Variants in DMXL1 observed in about 807,000 individuals in gnomAD.
DMXL1 encodes dmX-like protein 1.
Under a neutral mutation model 319.2 loss-of-function variants are expected in DMXL1, and 99 were observed. That is an observed-to-expected ratio of 0.31 (90% CI 0.26 to 0.37). The LOEUF (loss-of-function observed/expected upper bound fraction) is 0.37, where lower values mean the gene tolerates loss of function less well. Ranked by LOEUF, DMXL1 falls within the 10% of genes least tolerant of loss-of-function variation. DMXL1 has a pLI of 1.00. For missense variants in DMXL1, 3,745 were observed against 3,595.6 expected, an observed-to-expected ratio of 1.04 and a Z score of -1.06; for synonymous variants, 1,385 against 1,235.2, an observed-to-expected ratio of 1.12 and a Z score of -2.54.
chr5:119,168,013 C>T lies in DMXL1; in HGVS notation c.5398+149C>T, dbSNP rs546282894. The stretch of plus-strand genomic sequence containing the variant: ...TTTTGGTTGGTTGTTTGGTTTTTTT[C>T]TCCAGAAAGATAAATCCTTTGAAAA... On this transcript the variant is annotated intron_variant, in intron 23 of 43. Coordinates refer to ENST00000539542, the MANE Select transcript of DMXL1 (RefSeq NM_001290321.3). The T allele has an allele frequency of 9.8e-5, 65 of 663,966 alleles. 1 individual carries two copies. In the African/African-American group the frequency reaches 1.2e-3, roughly 12 times the overall value. 41.1% of individuals were successfully genotyped at this position (663,966 alleles called of 1,614,324 possible).
At chr5:119,126,006 A>G (rs933890308) in intron 9 of DMXL1, among the ~76,000 whole-genome samples, 2 of 152,054 alleles carry the variant, frequency 1.3e-5, no homozygotes, top group African/African-American at 4.8e-5. Context: ...AAATTATGTT[A>G]TTGACTGGGT....
At chr5:119,129,505 G>T (rs1764328297) in intron 10 of DMXL1, 82 bp downstream of exon 10, 1 of 955,458 alleles carries the variant, frequency 1.0e-6, no homozygotes, top group Non-Finnish European at 1.6e-6. Flanking sequence ...CTAGCTACTT[G>T]TAATAAACTT....
In DMXL1 at chr5:119,071,161, G is replaced by C. The variant is rs1749438066; in HGVS notation, c.-409G>C. 1 of 226,250 alleles carries C rather than the reference G, an allele frequency of 4.4e-6. No individual in the cohort carries two copies. Among genetic ancestry groups the C allele is most frequent in the African/African-American group, 2.4e-5 (1 of 41,956 alleles). The allele number at this position is 226,250 out of a possible 1,614,324, so 14.0% of individuals were successfully genotyped here. On this transcript the variant is annotated 5_prime_UTR_variant, in exon 1 of 44. Transcript: ENST00000539542. The stretch of plus-strand genomic sequence containing the variant: ...GCCGGGAAGGGACAGGTCAGGCGGG[G>C]AGTGCGAGCGCGTACTGCTTGCGCC...
chr5:119,213,775 A>G (rs1042878511), intron 34 of DMXL1, among the ~76,000 whole-genome samples: 1 of 152,174 alleles, frequency 6.6e-6, no homozygotes, highest in Non-Finnish European at 1.5e-5. Context: ...AGATTGTCCT[A>G]GACACAGTCA....
At chr5:119,141,135 C>T (rs1184104917) in intron 13 of DMXL1, among the ~76,000 whole-genome samples, 1 of 152,166 alleles carries the variant, frequency 6.6e-6, no homozygotes, top group Non-Finnish European at 1.5e-5. Flanking sequence ...TTGACAGACT[C>T]TCAGCCAACA....
intron 1 of DMXL1, among the ~76,000 whole-genome samples, chr5:119,088,098 A>G (rs1171439242): frequency 6.6e-6 from 1 of 152,166 alleles, no homozygotes; most frequent in East Asian, 1.9e-4. Flanking sequence ...CACCAAGCCC[A>G]GCAGTGTTTG....
chr5:119,209,340 C>A (rs1244739192), intron 34 of DMXL1, among the ~76,000 whole-genome samples: 1 of 150,446 alleles, frequency 6.6e-6, no homozygotes, highest in Admixed American at 6.7e-5. Context: ...TGTACGAAAT[C>A]CCATTCTATT....
intron 9 of DMXL1, among the ~76,000 whole-genome samples, chr5:119,121,915 C>A (rs1762160397): frequency 7.6e-6 from 1 of 132,272 alleles, no homozygotes; most frequent in South Asian, 2.5e-4. Flanking sequence ...GGGGGGCTGA[C>A]CCCCCCCACC....
chr5:119,099,952 G>C (rs1433341613), intron 2 of DMXL1, among the ~76,000 whole-genome samples: 1 of 152,094 alleles, frequency 6.6e-6, no homozygotes, highest in East Asian at 1.9e-4. Context: ...AGTCAGCTCT[G>C]GTGGCACCAC....
At chr5:119,240,025 T>A (rs1225611114) in intron 41 of DMXL1, among the ~76,000 whole-genome samples, 1 of 151,276 alleles carries the variant, frequency 6.6e-6, no homozygotes, top group African/African-American at 2.4e-5. Flanking sequence ...TCCCAGTGCC[T>A]TGGCAGGCTG....
rs1769512862 is a variant in DMXL1, at chr5:119,150,433, C to G, written c.4594+12C>G. 1.3e-6 allele frequency: 2 copies of G among 1,578,670 alleles called. No homozygotes were observed. Among genetic ancestry groups the G allele is most frequent in the Non-Finnish European group, 8.6e-7 (1 of 1,167,836 alleles). On this transcript the variant is annotated intron_variant, in intron 18 of 43. Coordinates refer to ENST00000539542, the MANE Select transcript of DMXL1 (RefSeq NM_001290321.3). ...AGACAGAAGCCAAGGTAAAACTAAACTCCGTACTGATAACATTTTTACTTA... is the reference window on the plus strand; with the variant it reads ...AGACAGAAGCCAAGGTAAAACTAAAGTCCGTACTGATAACATTTTTACTTA...
At chr5:119,237,733 T>C (rs1788014155) in intron 40 of DMXL1, among the ~76,000 whole-genome samples, 2 of 152,038 alleles carry the variant, frequency 1.3e-5, no homozygotes, top group Non-Finnish European at 2.9e-5. Context: ...CTAAATAGAA[T>C]GATTACCAGA....
chr5:119,206,286 C>G (rs944679339), intron 33 of DMXL1, among the ~76,000 whole-genome samples: 1 of 151,920 alleles, frequency 6.6e-6, no homozygotes, highest in Non-Finnish European at 1.5e-5. Context: ...CTTGGAACAA[C>G]TCTTTCTTTA....
At chr5:119,227,911 G>C (rs1785898050) in intron 38 of DMXL1, among the ~76,000 whole-genome samples, 1 of 152,158 alleles carries the variant, frequency 6.6e-6, no homozygotes, top group Non-Finnish European at 1.5e-5. Context: ...CAGGTAGAGA[G>C]AAAAAGTAAT....
chr5:119,225,172 C>G (rs1785309984), intron 38 of DMXL1, among the ~76,000 whole-genome samples: 1 of 151,906 alleles, frequency 6.6e-6, no homozygotes, highest in Non-Finnish European at 1.5e-5. Context: ...TAAGCCACAA[C>G]CGTACCTCAA....
Position 119,208,394 on chromosome 5 carries a change from A to G in DMXL1, c.7926+1498A>G, listed in dbSNP as rs544804829. 3.3e-5 allele frequency among the ~76,000 whole-genome samples: 5 copies of G among 151,990 alleles called. No individual in the cohort carries two copies. The South Asian group carries it at 1.0e-3, about 32-fold the overall frequency. ...ACATCCAGCCAATTTTTGTATTTTT[A>G]ATAGAGACAGGGTTTCTCCATGTTG... On this transcript the variant is annotated intron_variant, in intron 34 of 43. Transcript: ENST00000539542.
intron 4 of DMXL1, among the ~76,000 whole-genome samples, chr5:119,105,827 G>A (rs1758213950): frequency 6.6e-6 from 1 of 151,794 alleles, no homozygotes; most frequent in South Asian, 2.1e-4. Flanking sequence ...AACCTGGAAG[G>A]TGGAGGTTGC....
chr5:119,119,200 G>A (rs762926803), intron 8 of DMXL1, among the ~76,000 whole-genome samples, 196 bp downstream of exon 8: 5 of 152,100 alleles, frequency 3.3e-5, no homozygotes, highest in Non-Finnish European at 7.4e-5. Flanking sequence ...TAATTATGAA[G>A]TTACTCTTAG....
chr5:119,129,437 G>GTTTAA lies in DMXL1; in HGVS notation c.1315+14_1315+15insTTTAA. ...AATCTGATGAAGGTAAACTTTAAGA[G>GTTTAA]GAAAGGAAAATTTAAAGTTTTGCTC... On this transcript the variant is annotated intron_variant, in intron 10 of 43. Transcript: ENST00000539542. 1 of 1,562,038 alleles carries GTTTAA rather than the reference G, an allele frequency of 6.4e-7. No individual in the cohort carries two copies. The highest frequency in any genetic ancestry group is 8.7e-7 in the Non-Finnish European group (1 of 1,154,434).
Sources: gnomAD v4.1 joint callset for allele counts (sites outside exome capture counted in the v4.1 genomes callset) on GRCh38, gnomAD v4.1.1 for gene constraint, MANE v1.5 for transcripts, NCBI Gene and HGNC (gene_info 2026-07-23, HGNC 2026-07-21) for gene names.